The following ZBTB11 variants were observed in gnomAD, a reference collection of about 807,000 sequenced individuals.
ZBTB11 encodes the protein zinc finger and BTB domain-containing protein 11.
ZBTB11 carries 68 observed loss-of-function variants against 113.1 expected under a neutral mutation model. The observed-to-expected ratio is 0.60, with a 90% confidence interval of 0.49 to 0.74. ZBTB11 has a LOEUF of 0.74. Ranked by LOEUF, ZBTB11 falls within the 30% of genes least tolerant of loss-of-function variation. ZBTB11 has a pLI of 0.00. For missense variants in ZBTB11, 1,104 were observed against 1,279.4 expected, an observed-to-expected ratio of 0.86 and a Z score of 2.09; for synonymous variants, 518 against 452.6, an observed-to-expected ratio of 1.14 and a Z score of -1.83.
Position 101,672,232 on chromosome 3 carries a change from C to A in ZBTB11, c.311-19G>T. On this transcript the variant is annotated intron_variant, in intron 1 of 10. Transcript: ENST00000312938. Reference sequence around the variant, plus strand: ...AATATACCTACAATGAAAATATTAACAAGTCAAATTTAATACTGTTAACTG... The same window carrying A: ...AATATACCTACAATGAAAATATTAAAAAGTCAAATTTAATACTGTTAACTG... 1 of 1,542,830 alleles carries A rather than the reference C, an allele frequency of 6.5e-7. No individual in the cohort carries two copies. The highest frequency in any genetic ancestry group is 8.8e-7 in the Non-Finnish European group (1 of 1,131,276).
At chr3:101,655,062 A>G (rs1936772201) in intron 7 of ZBTB11, among the ~76,000 whole-genome samples, 1 of 152,154 alleles carries the variant, frequency 6.6e-6, no homozygotes, top group Non-Finnish European at 1.5e-5. Context: ...TATTTTTAGT[A>G]GAGACGGGTT....
At chr3:101,652,377 T>G in intron 10 of ZBTB11, 119 bp downstream of exon 10, 1 of 1,012,668 alleles carries the variant, frequency 9.9e-7, no homozygotes, top group Non-Finnish European at 1.4e-6. Flanking sequence ...CCTCTGTCAT[T>G]TGAATAAAGA....
At chr3:101,673,500 T>C (rs1316326176) in intron 1 of ZBTB11, among the ~76,000 whole-genome samples, 1 of 151,000 alleles carries the variant, frequency 6.6e-6, no homozygotes, top group Non-Finnish European at 1.5e-5. Flanking sequence ...AAATGTCGAA[T>C]TATACAAAGC....
At chr3:101,671,074 C>T in intron 3 of ZBTB11, 56 bp downstream of exon 3, 1 of 1,423,370 alleles carries the variant, frequency 7.0e-7, no homozygotes, top group South Asian at 1.2e-5. Flanking sequence ...CATACATATC[C>T]CCCTCTTCTA....
chr3:101,673,190 A>G (rs142555956), intron 1 of ZBTB11, among the ~76,000 whole-genome samples: 4 of 152,310 alleles, frequency 2.6e-5, no homozygotes, highest in East Asian at 3.9e-4. Flanking sequence ...GGCTTTATGT[A>G]TATGTACACA....
At position 101,676,522 on chromosome 3, in the gene ZBTB11, G is replaced by C. The variant is rs957369049; in HGVS notation, c.310+83C>G. On this transcript the variant is annotated intron_variant, in intron 1 of 10. Transcript: ENST00000312938. ...AGAGGCGTCCGAGACCCTCCGACTC[G>C]TGGGTACGCATAGGCCTCGCCAGCG... 16 of 1,355,750 alleles carry C rather than the reference G, an allele frequency of 1.2e-5. No homozygotes were observed. The East Asian group carries it at 4.7e-4, about 40-fold the overall frequency. 84.0% of individuals were successfully genotyped at this position (1,355,750 alleles called of 1,614,324 possible). A position where few individuals can be genotyped will look rare whatever the true frequency, so the allele number is the denominator to read the frequency against.
chr3:101,658,522 C>T (rs537031056), intron 6 of ZBTB11, among the ~76,000 whole-genome samples: 1 of 151,886 alleles, frequency 6.6e-6, no homozygotes, highest in Non-Finnish European at 1.5e-5. Context: ...CTGTACCCGG[C>T]CAATTAATTA....
intron 3 of ZBTB11, among the ~76,000 whole-genome samples, chr3:101,666,033 A>G (rs1431048498): frequency 6.6e-6 from 1 of 152,174 alleles, no homozygotes; most frequent in Admixed American, 6.5e-5. Flanking sequence ...CAGACTTACT[A>G]CCTCAAGAGT....
Position 101,665,293 on chromosome 3 carries a change from T to C in ZBTB11, c.1294A>G (p.Asn432Asp), listed in dbSNP as rs1246252107. Reference sequence around the variant, plus strand: ...TTAGGGTGTATATTAGAAACTGTGTTATTTTCTCTGTTGTTTGAAGTTTCT... The same window carrying C: ...TTAGGGTGTATATTAGAAACTGTGTCATTTTCTCTGTTGTTTGAAGTTTCT... ...ELETSNNREN[N>D]TVSNIHPKLS... The change falls in exon 4 of 11, where the codon AAC (asparagine) becomes GAC (aspartate). Residue 432 changes from asparagine (N) to aspartate (D), a missense_variant. Around this residue, in one of 5 missense-constraint regions of ZBTB11, gnomAD observed 535 missense variants for 518.6 expected, o/e 1.03. Coordinates refer to ENST00000312938, the MANE Select transcript of ZBTB11 (RefSeq NM_014415.4). 11 of 1,614,188 alleles carry C rather than the reference T, an allele frequency of 6.8e-6. No individual in the cohort carries two copies. The highest frequency in any genetic ancestry group is 9.3e-6 in the Non-Finnish European group (11 of 1,179,984).
rs1936653667 is a variant in ZBTB11 at position 101,649,142 on chromosome 3, A to AGGAGGGCGT, written c.*2015_*2023dup. Reference sequence around the variant, plus strand: ...TTTAGGGTTTATATGGATACAGGATAGGAGGGCGTGGTGGGCCAAAAGGCA... The same window carrying AGGAGGGCGT: ...TTTAGGGTTTATATGGATACAGGATAGGAGGGCGTGGAGGGCGTGGTGGGCCAAAAGGCA... On this transcript the variant is annotated 3_prime_UTR_variant, in exon 11 of 11. Coordinates refer to ENST00000312938, the MANE Select transcript of ZBTB11 (RefSeq NM_014415.4). The AGGAGGGCGT allele has an allele frequency of 6.6e-6, 1 of 152,224 alleles. No individual in the cohort carries two copies. The highest frequency in any genetic ancestry group is 1.5e-5 in the Non-Finnish European group (1 of 68,054). 9.4% of individuals were successfully genotyped at this position (152,224 alleles called of 1,614,324 possible).
intron 6 of ZBTB11, among the ~76,000 whole-genome samples, chr3:101,659,507 C>T (rs1298992983): frequency 6.6e-6 from 1 of 152,176 alleles, no homozygotes; most frequent in Non-Finnish European, 1.5e-5. Context: ...TAAGGAATGA[C>T]TGGGATGATA....
chr3:101,651,128 A>G lies in ZBTB11; in HGVS notation c.*38T>C. On this transcript the variant is annotated 3_prime_UTR_variant, in exon 11 of 11. Transcript: ENST00000312938. ...AACAAATGTTCTGTGAGTTCAGTGT[A>G]CAAGAGATGTCACTTCTTTTTATCT... 6.5e-7 allele frequency: 1 copy of G among 1,533,156 alleles called. No homozygotes were observed. The highest frequency in any genetic ancestry group is 8.7e-7 in the Non-Finnish European group (1 of 1,144,272). 95.0% of individuals were successfully genotyped at this position (1,533,156 alleles called of 1,614,324 possible). A position where few individuals can be genotyped will look rare whatever the true frequency, so the allele number is the denominator to read the frequency against.
In ZBTB11 at chr3:101,673,755, T is replaced by G. The variant is rs192095885; in HGVS notation, c.311-1542A>C. On this transcript the variant is annotated intron_variant, in intron 1 of 10. Coordinates refer to ENST00000312938, the MANE Select transcript of ZBTB11 (RefSeq NM_014415.4). ...GTCTCAAACTCCTGACCTCAAGTGA[T>G]CTGCCCGCCTTGGCCTCCCAAAGTG... is the stretch of plus-strand genomic sequence containing the variant. Among the ~76,000 whole-genome samples, 1,038 of 152,326 alleles carry G rather than the reference T, an allele frequency of 6.8e-3. 10 individuals carry two copies. The highest frequency in any genetic ancestry group is 0.023 in the African/African-American group (943 of 41,568).
At position 101,656,226 on chromosome 3, in the gene ZBTB11, T is replaced by C. The variant is rs757482010; in HGVS notation, c.2069A>G (p.Tyr690Cys). 4 of 1,583,494 alleles carry C rather than the reference T, an allele frequency of 2.5e-6. No individual in the cohort carries two copies. The highest frequency in any genetic ancestry group is 1.4e-5 in the African/African-American group (1 of 73,116). ...CTGATGTAATTTTAGACCATGCTTA[T>C]AGATAAAAGTCTTTCCACAGACCTA... ...ACQVCGKTFI[Y>C]KHGLKLHQSL... The change falls in exon 7 of 11, where the codon TAT becomes TGT. Residue 690 changes from tyrosine (Y) to cysteine (C), a missense_variant. Tyr to Cys is a radical substitution (Grantham distance 194). This residue lies in a region of ZBTB11 where 535 missense variants were observed against 518.6 expected (regional missense o/e 1.03). Transcript: ENST00000312938.
chr3:101,653,977 C>T (rs978528725), intron 8 of ZBTB11, among the ~76,000 whole-genome samples: 1 of 152,148 alleles, frequency 6.6e-6, no homozygotes, highest in Admixed American at 6.6e-5. Flanking sequence ...GATCCTCCCA[C>T]CTGTCTCCAA....
At chr3:101,668,302 A>C (rs1227014194) in intron 3 of ZBTB11, among the ~76,000 whole-genome samples, 7 of 152,138 alleles carry the variant, frequency 4.6e-5, no homozygotes, top group Non-Finnish European at 1.0e-4. Flanking sequence ...ATAGCACCGC[A>C]AGGTATATAG....
intron 1 of ZBTB11, 51 bp downstream of exon 1, chr3:101,676,554 G>C (rs1441476737): frequency 7.0e-7 from 1 of 1,436,582 alleles, no homozygotes. Context: ...AGCGAGCCTT[G>C]CCCAGGCAAC....
chr3:101,651,351 T>C lies in ZBTB11; in HGVS notation c.2977A>G (p.Met993Val), dbSNP rs764439208. 3.7e-6 allele frequency: 6 copies of C among 1,613,954 alleles called. No homozygotes were observed. The highest frequency in any genetic ancestry group is 2.7e-5 in the African/African-American group (2 of 74,932). ...LETVVVTGET[M>V]EALEAVAATE... is the part of the protein sequence containing the mutation. ...GCTGCAACAGCTTCCAGAGCTTCCA[T>C]AGTTTCTCCTGTCACTACCACAGTC... The change falls in exon 11 of 11, where the codon ATG (methionine) becomes GTG (valine). Residue 993 changes from methionine (M) to valine (V), a missense_variant. Met to Val is a conservative substitution (Grantham distance 21, BLOSUM62 1). Transcript: ENST00000312938.
At chr3:101,653,348 A>T (rs1400231462) in intron 8 of ZBTB11, among the ~76,000 whole-genome samples, 1 of 152,188 alleles carries the variant, frequency 6.6e-6, no homozygotes, top group African/African-American at 2.4e-5. Context: ...TGATTGACTC[A>T]GGGATGACTG....
Sources: allele counts gnomAD v4.1 joint callset (sites outside exome capture counted in the v4.1 genomes callset), GRCh38; gene constraint gnomAD v4.1.1; regional missense constraint gnomAD v4.1.1; transcripts MANE v1.5; gene names NCBI Gene and HGNC (gene_info 2026-07-23, HGNC 2026-07-21).